The following PPP1R12C variants were observed in gnomAD, a reference collection of about 807,000 sequenced individuals.
The protein encoded by PPP1R12C is protein phosphatase 1 regulatory subunit 12C.
A neutral mutation model predicts 95.6 loss-of-function variants in PPP1R12C; 48 were observed. The ratio of observed to expected loss-of-function variants is 0.50; its 90% CI spans 0.40 to 0.64. The LOEUF is 0.64. Ranked by LOEUF, PPP1R12C falls within the 30% of genes least tolerant of loss-of-function variation. The probability of loss-of-function intolerance (pLI) is 0.00; values close to 1 mark genes in which losing one functional copy is unlikely to be tolerated. For missense variants in PPP1R12C, 1,057 were observed against 1,083.3 expected (o/e 0.98, Z 0.34); for synonymous variants, 480 against 460.8 (o/e 1.04, Z -0.53).
chr19:55,096,218 G>GC (rs764385458), intron 7 of PPP1R12C, 40 bp from the exon 8 acceptor site: 73 of 1,613,110 alleles, frequency 4.5e-5, no homozygotes, highest in Non-Finnish European at 6.0e-5. Context: ...CAAGCCCGGG[G>GC]CCTCCAGCCA....
intron 6 of PPP1R12C, among the ~76,000 whole-genome samples, chr19:55,096,559 C>T (rs1048242701): frequency 2.0e-5 from 3 of 152,068 alleles, no homozygotes; most frequent in Admixed American, 1.3e-4. Context: ...CTTGTCCTCA[C>T]GGCCCCCACC....
intron 8 of PPP1R12C, 38 bp from the exon 9 acceptor site, chr19:55,095,978 C>G: frequency 6.2e-7 from 1 of 1,608,798 alleles, no homozygotes; most frequent in Non-Finnish European, 8.5e-7. Flanking sequence ...ACAGAAGATG[C>G]CAGTTGCCTC....
At position 55,103,527 on chromosome 19, in the gene PPP1R12C, G is replaced by A; in HGVS notation, c.613C>T (p.Leu205Phe). ...EAAKRAEEEL[L>F]LHDTRCWLNG... is the part of the protein sequence containing the mutation. ...AGCCAGCACCTCGTGTCATGAAGGA[G>A]CAATTCCTCTTCTGCCCGCTTGGCT... The change falls in exon 4 of 22, where the codon CTC becomes TTC. Residue 205 changes from leucine to phenylalanine, a missense_variant. Physicochemically the swap from Leu to Phe is conservative, Grantham distance 22 (BLOSUM62 0). Coordinates refer to ENST00000263433, the MANE Select transcript of PPP1R12C (RefSeq NM_017607.4). 1 of 1,600,640 alleles carries A rather than the reference G, an allele frequency of 6.2e-7. No homozygotes were observed. Among genetic ancestry groups the A allele is most frequent in the Non-Finnish European group, 8.5e-7 (1 of 1,170,680 alleles).
At chr19:55,116,538 G>C (rs903673834) in intron 1 of PPP1R12C, among the ~76,000 whole-genome samples, 1 of 152,218 alleles carries the variant, frequency 6.6e-6, no homozygotes, top group South Asian at 2.1e-4. Flanking sequence ...AGCGGCACAG[G>C]CCCAGGGGAG....
At position 55,092,860 on chromosome 19, in the gene PPP1R12C, G is replaced by A. The variant is rs1408864834; in HGVS notation, c.1834C>T (p.Pro612Ser). 6.3e-7 allele frequency: 1 copy of A among 1,586,440 alleles called. No individual in the cohort carries two copies. Among genetic ancestry groups the A allele is most frequent in the Non-Finnish European group, 8.6e-7 (1 of 1,167,128 alleles). ...SDSPAQRAEA[P>S]DGQGPGPQAA... Reference sequence around the variant, plus strand: ...TGCGGTCCCGGACCCTGCCCGTCGGGCGCCTCTGCTGGGGGAGGGGCAGGA... The same window carrying A: ...TGCGGTCCCGGACCCTGCCCGTCGGACGCCTCTGCTGGGGGAGGGGCAGGA... The change falls in exon 16 of 22, where the codon CCC becomes TCC. Residue 612 changes from proline (P) to serine (S), a missense_variant. By Grantham distance (74) the Pro-to-Ser change is moderately conservative. Coordinates refer to ENST00000263433, the MANE Select transcript of PPP1R12C (RefSeq NM_017607.4).
chr19:55,098,706 T>G lies in PPP1R12C; in HGVS notation c.951+78A>C. 9.1e-6 allele frequency: 14 copies of G among 1,545,460 alleles called. No homozygotes were observed. In the South Asian group the frequency reaches 1.3e-4, roughly 14 times the overall value. Reference sequence around the variant, plus strand: ...TGGTGGGTGTCAGAAGTCGGGGGGGTTCCCCCTCTGCACCCTCCTCTGAGG... The same window carrying G: ...TGGTGGGTGTCAGAAGTCGGGGGGGGTCCCCCTCTGCACCCTCCTCTGAGG... On this transcript the variant is annotated intron_variant, in intron 6 of 21. Coordinates refer to ENST00000263433, the MANE Select transcript of PPP1R12C (RefSeq NM_017607.4).
rs202214879 is a variant in PPP1R12C at position 55,112,669 on chromosome 19, C to T, written c.448G>A (p.Ala150Thr). 1.8e-5 allele frequency: 29 copies of T among 1,613,760 alleles called. No homozygotes were observed. In the East Asian group the frequency reaches 4.5e-4, roughly 25 times the overall value. The change falls in exon 2 of 22, where the codon GCC (alanine) becomes ACC (threonine). Residue 150 changes from alanine to threonine, a missense_variant. This residue lies in a region of PPP1R12C where 282 missense variants were observed against 380.4 expected (regional missense o/e 0.74). Transcript: ENST00000263433. The stretch of plus-strand genomic sequence containing the variant: ...CCCGGCCCTCCCTTGCCTCACCTGG[C>T]GATATCTAGGTAGCCACAGGAGGCG... ...VAASCGYLDI[A>T]RYLLSHGANI... is the part of the protein sequence containing the mutation.
intron 1 of PPP1R12C, chr19:55,113,638 C>T: frequency 8.0e-7 from 1 of 1,248,324 alleles, no homozygotes; most frequent in Middle Eastern, 2.4e-4. Flanking sequence ...CTCCTAGATC[C>T]ACGGGATAAA....
chr19:55,116,939 G>A (rs562133328), intron 1 of PPP1R12C, among the ~76,000 whole-genome samples: 2 of 152,276 alleles, frequency 1.3e-5, no homozygotes, highest in East Asian at 1.9e-4. Flanking sequence ...CGACTCCAAT[G>A]CGGAAGAGAG....
intron 1 of PPP1R12C, 28 bp from the exon 2 acceptor site, chr19:55,112,823 C>CACCT (rs751305222): frequency 1.9e-6 from 3 of 1,608,914 alleles, no homozygotes; most frequent in Middle Eastern, 1.7e-4. Flanking sequence ...CCGTCAGCCG[C>CACCT]ACCTACCCCA....
chr19:55,092,483 G>A lies in PPP1R12C; in HGVS notation c.2014C>T (p.Pro672Ser), dbSNP rs371437059. The change falls in exon 18 of 22, where the codon CCT (proline) becomes TCT (serine). Residue 672 changes from proline to serine, a missense_variant. Physicochemically the swap from Pro to Ser is moderately conservative, Grantham distance 74. Around this residue, in one of 5 missense-constraint regions of PPP1R12C, gnomAD observed 347 missense variants for 307.9 expected, o/e 1.13. Coordinates refer to ENST00000263433, the MANE Select transcript of PPP1R12C (RefSeq NM_017607.4). The part of the protein sequence containing the change: ...QRWQRDLNPE[P>S]EPESEEPDGG... ...TCTGGCTCTTCCGATTCTGGCTCAG[G>A]TTCTGGGTTGAGGTCCCGCTGCCAC... The A allele has an allele frequency of 2.5e-6, 4 of 1,610,086 alleles. No homozygotes were observed. The highest frequency in any genetic ancestry group is 2.5e-6 in the Non-Finnish European group (3 of 1,178,660).
chr19:55,092,684 T>C, intron 16 of PPP1R12C, 22 bp from the exon 17 acceptor site: 2 of 1,516,634 alleles, frequency 1.3e-6, no homozygotes, highest in Non-Finnish European at 1.8e-6. Context: ...TAGACGGGGG[T>C]TCAATGGGTA....
chr19:55,091,757 GC>G, intron 20 of PPP1R12C, 57 bp from the exon 21 acceptor site: 1 of 1,612,670 alleles, frequency 6.2e-7, no homozygotes, highest in Non-Finnish European at 8.5e-7. Flanking sequence ...GCAGGGGAAG[GC>G]CAGGGGCCAG....
At position 55,117,275 on chromosome 19, in the gene PPP1R12C, G is replaced by A. The variant is rs2085164799; in HGVS notation, c.269C>T (p.Ala90Val). 1 of 1,223,388 alleles carries A rather than the reference G, an allele frequency of 8.2e-7. No individual in the cohort carries two copies. The highest frequency in any genetic ancestry group is 1.0e-6 in the Non-Finnish European group (1 of 983,770). The allele number at this position is 1,223,388 out of a possible 1,614,324, so 75.8% of individuals were successfully genotyped here. Residue 90 changes from alanine (A) to valine (V), a missense_variant, in exon 1 of 22, where the codon GCC becomes GTC. By Grantham distance (64) the Ala-to-Val change is moderately conservative (BLOSUM62 0). Coordinates refer to ENST00000263433, the MANE Select transcript of PPP1R12C (RefSeq NM_017607.4). Reference sequence around the variant, plus strand: ...GTTGGTGGAGTCCAGCACGGCGCGGGCGGGCGGCGGCGCGGCGGGGTCGAG... The same window carrying A: ...GTTGGTGGAGTCCAGCACGGCGCGGACGGGCGGCGGCGCGGCGGGGTCGAG... ...AELDPAAPPPARAVLDSTNAD... is the reference protein window; with the variant it reads ...AELDPAAPPPVRAVLDSTNAD...
At chr19:55,108,950 C>T (rs1328369295) in intron 3 of PPP1R12C, among the ~76,000 whole-genome samples, 1 of 152,202 alleles carries the variant, frequency 6.6e-6, no homozygotes, top group Non-Finnish European at 1.5e-5. Flanking sequence ...AGGTGATCCG[C>T]CCGCCTCGGC....
At chr19:55,116,371 G>T (rs1367135888) in intron 1 of PPP1R12C, among the ~76,000 whole-genome samples, 1 of 152,120 alleles carries the variant, frequency 6.6e-6, no homozygotes, top group Non-Finnish European at 1.5e-5. Flanking sequence ...GTGGTGCAGC[G>T]CCGAGAAGGA....
At position 55,092,604 on chromosome 19, in the gene PPP1R12C, C is replaced by T; in HGVS notation, c.1952+18G>A. On this transcript the variant is annotated intron_variant, in intron 17 of 21. Transcript: ENST00000263433. ...CCCGGCCCGCACGCAGACCCCACCT[C>T]TCCCACCCCGCCCCTACCTGGACTC... 1 of 1,538,472 alleles carries T rather than the reference C, an allele frequency of 6.5e-7. No homozygotes were observed.
At chr19:55,113,448 G>A (rs1008233522) in intron 1 of PPP1R12C, 46 of 1,491,686 alleles carry the variant, frequency 3.1e-5, no homozygotes, top group South Asian at 2.1e-4. Context: ...CCCTCTGCAC[G>A]GGGCCCTGCA....
intron 11 of PPP1R12C, 93 bp downstream of exon 11, chr19:55,095,198 A>AG: frequency 1.5e-6 from 2 of 1,356,604 alleles, no homozygotes; most frequent in South Asian, 1.2e-5. Flanking sequence ...ACCAGACCCC[A>AG]GGGGGTACAT....
Sources: allele counts gnomAD v4.1 joint callset (sites outside exome capture counted in the v4.1 genomes callset), GRCh38; gene constraint gnomAD v4.1.1; regional missense constraint gnomAD v4.1.1; transcripts MANE v1.5; gene names NCBI Gene and HGNC (gene_info 2026-07-23, HGNC 2026-07-21).